Variants in CCDC3 observed in about 807,000 individuals in gnomAD.
CCDC3 encodes the protein coiled-coil domain containing 3.
A neutral mutation model predicts 21.4 loss-of-function variants in CCDC3; 24 were observed. The ratio of observed to expected loss-of-function variants is 1.12; its 90% CI spans 0.81 to 1.58. The LOEUF is 1.58. Ranked by LOEUF, CCDC3 falls within the 40% of genes most tolerant of loss-of-function variation. CCDC3 has a pLI of 0.00. For synonymous variants in CCDC3, 186 were observed against 166.0 expected (o/e 1.12, Z -0.93); for missense variants, 425 against 360.9 (o/e 1.18, Z -1.44).
chr10:13,047,098 A>G (rs1370431372), intron 5 of CCDC3, among the ~76,000 whole-genome samples: 1 of 152,224 alleles, frequency 6.6e-6, no homozygotes, highest in Non-Finnish European at 1.5e-5. Context: ...GAGACAGAAC[A>G]GAGAGACTCC....
At chr10:12,921,509 A>C (rs958256829) in intron 2 of CCDC3, among the ~76,000 whole-genome samples, 1 of 152,174 alleles carries the variant, frequency 6.6e-6, no homozygotes, top group Non-Finnish European at 1.5e-5. Context: ...CCAGTGCAAA[A>C]GCCAGGCCTT....
At chr10:12,992,572 T>C (rs1835697807) in intron 2 of CCDC3, among the ~76,000 whole-genome samples, 1 of 152,090 alleles carries the variant, frequency 6.6e-6, no homozygotes, top group African/African-American at 2.4e-5. Context: ...TCAAACATTT[T>C]ATGTTCTCAC....
chr10:12,937,696 AG>A (rs377561461), intron 2 of CCDC3, among the ~76,000 whole-genome samples: 135 of 152,328 alleles, frequency 8.9e-4, no homozygotes, highest in African/African-American at 3.1e-3. Context: ...CCATAGGGAC[AG>A]TATGTGTGAC....
At chr10:13,048,181 G>A (rs1012101919) in intron 5 of CCDC3, among the ~76,000 whole-genome samples, 3 of 151,980 alleles carry the variant, frequency 2.0e-5, no homozygotes, top group African/African-American at 7.3e-5. Context: ...TCTTTTGGCA[G>A]AGTGAATTGA....
intron 2 of CCDC3, among the ~76,000 whole-genome samples, chr10:12,901,076 G>A (rs923308009): frequency 2.0e-5 from 3 of 152,076 alleles, no homozygotes; most frequent in Non-Finnish European, 4.4e-5. Context: ...GAAGACCAAG[G>A]CCCCTCATCC....
intron 4 of CCDC3, among the ~76,000 whole-genome samples, chr10:13,055,193 C>G (rs1021332976): frequency 2.6e-5 from 4 of 152,224 alleles, no homozygotes; most frequent in Non-Finnish European, 4.4e-5. Context: ...CAGGGACTTC[C>G]TCTCTGCAAG....
Position 12,948,683 on chromosome 10 carries a change from T to C in CCDC3, c.549+49655A>G, listed in dbSNP as rs77826526. Among the ~76,000 whole-genome samples, 1,089 of 150,352 alleles carry C rather than the reference T, an allele frequency of 7.2e-3. 8 individuals are homozygous for C. Among genetic ancestry groups the C allele is most frequent in the African/African-American group, 0.025 (1,030 of 40,908 alleles). On this transcript the variant is annotated intron_variant, in intron 2 of 2. Transcript: ENST00000378825. The stretch of plus-strand genomic sequence containing the variant: ...AGAAGCGCTAAATTTGGTGACCAAC[T>C]GAAGACGAAAAGGGGTAAAAATTTA...
chr10:13,085,119 T>C (rs1445182330), intron 3 of CCDC3, among the ~76,000 whole-genome samples: 3 of 152,166 alleles, frequency 2.0e-5, no homozygotes, highest in African/African-American at 7.2e-5. Context: ...CCAGAAAGTG[T>C]TCTGGCTTCC....
chr10:12,922,719 C>T (rs946553032), intron 2 of CCDC3, among the ~76,000 whole-genome samples: 8 of 152,070 alleles, frequency 5.3e-5, no homozygotes, highest in Admixed American at 2.0e-4. Context: ...GGATGTGGTA[C>T]ATTGTAGGAA....
chr10:12,954,586 A>G (rs1203262689), intron 2 of CCDC3, among the ~76,000 whole-genome samples: 1 of 152,172 alleles, frequency 6.6e-6, no homozygotes, highest in Non-Finnish European at 1.5e-5. Context: ...TCACATGGTG[A>G]GAGAGAAAGC....
At chr10:12,977,964 T>G (rs1835440397) in intron 2 of CCDC3, among the ~76,000 whole-genome samples, 1 of 151,980 alleles carries the variant, frequency 6.6e-6, no homozygotes. Context: ...GTGTCAATGA[T>G]GTGGTTTAAG....
At chr10:12,901,180 GC>G (rs1387626279) in intron 2 of CCDC3, among the ~76,000 whole-genome samples, 1 of 152,226 alleles carries the variant, frequency 6.6e-6, no homozygotes, top group Non-Finnish European at 1.5e-5. Flanking sequence ...GCTGATGTCT[GC>G]CTCCGCCTGT....
intron 2 of CCDC3, among the ~76,000 whole-genome samples, chr10:12,940,408 G>T (rs1032022044): frequency 1.3e-5 from 2 of 152,108 alleles, no homozygotes; most frequent in African/African-American, 2.4e-5. Flanking sequence ...ATGGCCTCTT[G>T]AGAGTTATAT....
intron 2 of CCDC3, among the ~76,000 whole-genome samples, chr10:12,947,368 G>C (rs1214019474): frequency 6.6e-6 from 1 of 152,000 alleles, no homozygotes; most frequent in African/African-American, 2.4e-5. Flanking sequence ...GGCTGGTCTG[G>C]AACTCCTGAC....
intron 4 of CCDC3, among the ~76,000 whole-genome samples, chr10:13,053,627 C>G (rs776320980): frequency 6.6e-5 from 10 of 152,150 alleles, no homozygotes; most frequent in Non-Finnish European, 1.0e-4. Context: ...AGAGGTGATA[C>G]AAAAGACAAC....
At chr10:13,087,147 G>A (rs1009290377) in intron 3 of CCDC3, among the ~76,000 whole-genome samples, 6 of 152,200 alleles carry the variant, frequency 3.9e-5, no homozygotes, top group Admixed American at 1.3e-4. Context: ...GCTCACGCCT[G>A]TAATCCCAGC....
At chr10:12,913,318 C>G (rs1425674981) in intron 2 of CCDC3, among the ~76,000 whole-genome samples, 1 of 152,054 alleles carries the variant, frequency 6.6e-6, no homozygotes, top group African/African-American at 2.4e-5. Flanking sequence ...AAGTTTATTC[C>G]TAAGTATGTT....
intron 5 of CCDC3, among the ~76,000 whole-genome samples, chr10:13,027,732 A>AAT (rs1836243117): frequency 6.7e-6 from 1 of 148,544 alleles, no homozygotes; most frequent in African/African-American, 2.5e-5. Flanking sequence ...AAAAAAAAAA[A>AAT]CAAAAAAAAA....
chr10:12,985,369 G>T (rs1835571475), intron 2 of CCDC3, among the ~76,000 whole-genome samples: 1 of 147,588 alleles, frequency 6.8e-6, no homozygotes, highest in Non-Finnish European at 1.5e-5. Context: ...TAATTTCAGG[G>T]TTTCTTTTAA....
Sources: gnomAD v4.1 joint callset for allele counts (sites outside exome capture counted in the v4.1 genomes callset) on GRCh38, gnomAD v4.1.1 for gene constraint, MANE v1.5 for transcripts, NCBI Gene and HGNC (gene_info 2026-07-23, HGNC 2026-07-21) for gene names.